Variants in USP3 observed in about 807,000 individuals in gnomAD.
The protein encoded by USP3 is ubiquitin carboxyl-terminal hydrolase 3.
A neutral mutation model predicts 72.3 loss-of-function variants in USP3; 20 were observed. The ratio of observed to expected loss-of-function variants is 0.28; its 90% CI spans 0.19 to 0.40. The LOEUF is 0.40. Among genes scored for constraint, USP3 ranks in the 10% least tolerant of loss-of-function variants. The probability of loss-of-function intolerance (pLI) is 1.00; values close to 1 mark genes in which losing one functional copy is unlikely to be tolerated. For missense variants in USP3, 479 were observed against 633.9 expected (o/e 0.76, Z 2.62); for synonymous variants, 222 against 225.3 (o/e 0.99, Z 0.13).
intron 1 of USP3, among the ~76,000 whole-genome samples, chr15:63,524,620 C>A (rs1367722383): frequency 6.6e-6 from 1 of 152,168 alleles, no homozygotes; most frequent in African/African-American, 2.4e-5. Context: ...GTCTTCTTAA[C>A]TCACCTGTCT....
rs117652334 is a variant in USP3, at chr15:63,540,501, G to A, written c.284+3345G>A. ...TTAACTGTCTTTCAGAAATGGGGAA[G>A]GTTACATCAGATCTATAATACTGTG... is the stretch of plus-strand genomic sequence containing the variant. On this transcript the variant is annotated intron_variant, in intron 3 of 14. Transcript: ENST00000380324. 5.0e-3 allele frequency among the ~76,000 whole-genome samples: 755 copies of A among 152,246 alleles called. 10 individuals are homozygous for A. The highest frequency in any genetic ancestry group is 4.5e-3 in the Non-Finnish European group (305 of 68,018).
chr15:63,529,499 A>C lies in USP3; in HGVS notation c.92-3148A>C, dbSNP rs2066035975. On this transcript the variant is annotated intron_variant, in intron 1 of 14. Transcript: ENST00000380324. The surrounding 1 kb of genome is among the most constrained non-coding windows in gnomAD (Gnocchi z 4.2). ...ATTCTCTTGACCCCCTCAGTCTTAG[A>C]GTTTTTTGGTTTTTTAAAATGTGTT... 6.6e-6 allele frequency among the ~76,000 whole-genome samples: 1 copy of C among 152,156 alleles called. No homozygotes were observed. The highest frequency in any genetic ancestry group is 2.1e-4 in the South Asian group (1 of 4,830).
chr15:63,536,340 T>C (rs1203860326), intron 2 of USP3, among the ~76,000 whole-genome samples: 3 of 152,236 alleles, frequency 2.0e-5, no homozygotes, highest in Admixed American at 1.3e-4. Context: ...TCTCACACTT[T>C]ATGTTAAGCA....
In USP3 at chr15:63,590,794, C is replaced by T; in HGVS notation, c.1531C>T (p.His511Tyr). 1.2e-6 allele frequency: 2 copies of T among 1,613,974 alleles called. No individual in the cohort carries two copies. Among genetic ancestry groups the T allele is most frequent in the South Asian group, 1.1e-5 (1 of 91,030 alleles). The change falls in exon 15 of 15, where the codon CAC becomes TAC. Residue 511 changes from histidine (H) to tyrosine (Y), a missense_variant. His to Tyr is a moderately conservative substitution (Grantham distance 83, BLOSUM62 2). Coordinates refer to ENST00000380324, the MANE Select transcript of USP3 (RefSeq NM_006537.4). ...GGCCTACATCCTTTTCTACGTGGAA[C>T]ACCAGGCCAAAGCTGGATCGGATAA... ...AKAYILFYVE[H>Y]QAKAGSDKL
At position 63,574,008 on chromosome 15, in the gene USP3, C is replaced by A; in HGVS notation, c.909-38C>A. On this transcript the variant is annotated intron_variant, in intron 9 of 14. Coordinates refer to ENST00000380324, the MANE Select transcript of USP3 (RefSeq NM_006537.4). This position sits in a 1 kb window ranked among gnomAD's most constrained non-coding sequence, Gnocchi z 4.6. ...TTTTTAAATGTCAAAGAGATGGCTTCTTACTGAGATATTTTCCTGTGTGGT... is the reference window on the plus strand; with the variant it reads ...TTTTTAAATGTCAAAGAGATGGCTTATTACTGAGATATTTTCCTGTGTGGT... The A allele has an allele frequency of 7.0e-7, 1 of 1,426,006 alleles. No individual in the cohort carries two copies. The highest frequency in any genetic ancestry group is 1.8e-4 in the Middle Eastern group (1 of 5,458). 88.3% of individuals were successfully genotyped at this position (1,426,006 alleles called of 1,614,324 possible). A position where few individuals can be genotyped will look rare whatever the true frequency, so the allele number is the denominator to read the frequency against.
At chr15:63,556,005 T>A (rs1367746540) in intron 4 of USP3, among the ~76,000 whole-genome samples, 1 of 152,212 alleles carries the variant, frequency 6.6e-6, no homozygotes, top group Admixed American at 6.5e-5. Context: ...AATTTTAAAG[T>A]GACCTTTTGA....
intron 11 of USP3, among the ~76,000 whole-genome samples, chr15:63,582,759 C>T (rs1004178626): frequency 1.3e-5 from 2 of 152,086 alleles, no homozygotes; most frequent in Non-Finnish European, 2.9e-5. Context: ...GCCTCCTTTG[C>T]ATTGGAGAGA....
chr15:63,564,333 G>C (rs1412841368), intron 8 of USP3, among the ~76,000 whole-genome samples: 1 of 152,138 alleles, frequency 6.6e-6, no homozygotes, highest in African/African-American at 2.4e-5. Flanking sequence ...ACTTGTTTAA[G>C]TTTATACATC....
chr15:63,523,029 A>G (rs1292069896), intron 1 of USP3, among the ~76,000 whole-genome samples: 1 of 152,202 alleles, frequency 6.6e-6, no homozygotes, highest in East Asian at 1.9e-4. Flanking sequence ...TGTGCTTCTA[A>G]AATGCATTTT....
intron 1 of USP3, among the ~76,000 whole-genome samples, chr15:63,527,163 C>A (rs28692936): frequency 1.3e-5 from 2 of 152,210 alleles, no homozygotes; most frequent in Non-Finnish European, 2.9e-5. Context: ...TCCCAAAGTG[C>A]TGGGATTACA....
At chr15:63,548,726 A>G (rs562698338) in intron 3 of USP3, among the ~76,000 whole-genome samples, 1 of 152,036 alleles carries the variant, frequency 6.6e-6, no homozygotes, top group Non-Finnish European at 1.5e-5. Flanking sequence ...TTGAGACAAG[A>G]GTCTGACTTT....
At chr15:63,572,973 T>G (rs1483806447) in intron 9 of USP3, among the ~76,000 whole-genome samples, 3 of 152,156 alleles carry the variant, frequency 2.0e-5, no homozygotes, top group African/African-American at 7.2e-5. Flanking sequence ...ATTAATTGAT[T>G]GACTAGATGG....
chr15:63,590,745 C>G lies in USP3; in HGVS notation c.1482C>G (p.Asp494Glu). 1 of 1,614,116 alleles carries G rather than the reference C, an allele frequency of 6.2e-7. No homozygotes were observed. The highest frequency in any genetic ancestry group is 2.2e-5 in the East Asian group (1 of 44,882). Residue 494 changes from aspartate (D) to glutamate (E), a missense_variant, in exon 15 of 15, where the codon GAC becomes GAG. By Grantham distance (45) the Asp-to-Glu change is conservative. Coordinates refer to ENST00000380324, the MANE Select transcript of USP3 (RefSeq NM_006537.4). ...HFNDSTVTLT[D>E]EETVVKAKAY... ...ATGACAGTACTGTAACACTGACTGA[C>G]GAGGAGACTGTGGTGAAGGCGAAGG...
At chr15:63,504,877 C>G in intron 1 of USP3, 47 bp downstream of exon 1, 1 of 1,473,838 alleles carries the variant, frequency 6.8e-7, no homozygotes. Flanking sequence ...GAGGCCGCGG[C>G]TCTGCCGGGC....
intron 1 of USP3, among the ~76,000 whole-genome samples, chr15:63,515,945 AT>A (rs2065845199): frequency 1.3e-5 from 2 of 152,088 alleles, no homozygotes; most frequent in Admixed American, 6.5e-5. Flanking sequence ...ATGCTCTGTT[AT>A]TTCTTAATTT....
intron 14 of USP3, 101 bp from the exon 15 acceptor site, chr15:63,590,560 G>C: frequency 8.9e-7 from 1 of 1,127,096 alleles, no homozygotes; most frequent in Non-Finnish European, 1.2e-6. Context: ...CAAAAGTCTA[G>C]GATGTATTCT....
chr15:63,558,772 G>A (rs2066554982), intron 6 of USP3, among the ~76,000 whole-genome samples: 1 of 152,184 alleles, frequency 6.6e-6, no homozygotes, highest in African/African-American at 2.4e-5. Context: ...CTGCTTGGGA[G>A]GCTGAGGCAG....
chr15:63,539,612 C>A (rs143820923), intron 3 of USP3, among the ~76,000 whole-genome samples: 1 of 152,048 alleles, frequency 6.6e-6, no homozygotes, highest in Non-Finnish European at 1.5e-5. Flanking sequence ...AAGTATATGT[C>A]GTTTCATGGT....
At chr15:63,534,700 A>G (rs2066129004) in intron 2 of USP3, among the ~76,000 whole-genome samples, 1 of 152,184 alleles carries the variant, frequency 6.6e-6, no homozygotes, top group African/African-American at 2.4e-5. Context: ...AACATCTAGT[A>G]CATTTAGAAA....
Sources: allele counts gnomAD v4.1 joint callset (sites outside exome capture counted in the v4.1 genomes callset), GRCh38; gene constraint gnomAD v4.1.1; non-coding constraint Gnocchi (gnomAD v3.1); transcripts MANE v1.5; gene names NCBI Gene and HGNC (gene_info 2026-07-23, HGNC 2026-07-21).